Variants in CDH4 observed in about 807,000 individuals in gnomAD.
CDH4 encodes cadherin-4.
Under a neutral mutation model 86.0 loss-of-function variants are expected in CDH4, and 33 were observed. The ratio of observed to expected loss-of-function variants is 0.38; its 90% CI spans 0.29 to 0.51. The LOEUF is 0.51. Among genes scored for constraint, CDH4 ranks in the 20% least tolerant of loss-of-function variants. CDH4 has a pLI of 0.86. For missense variants in CDH4, 1,114 were observed against 1,307.4 expected (o/e 0.85, Z 2.28); for synonymous variants, 555 against 549.4 (o/e 1.01, Z -0.14).
chr20:61,323,524 G>A (rs1005946538), intron 2 of CDH4, among the ~76,000 whole-genome samples: 7 of 152,168 alleles, frequency 4.6e-5, no homozygotes, highest in Non-Finnish European at 7.3e-5. Context: ...GCCACCTGAC[G>A]TCGGAGCCAG....
At chr20:61,782,544 CTATT>C (rs962683037) in intron 4 of CDH4, among the ~76,000 whole-genome samples, 14 of 152,090 alleles carry the variant, frequency 9.2e-5, no homozygotes, top group African/African-American at 3.4e-4. Flanking sequence ...AAAAAGCTGA[CTATT>C]TAAAGCAAAA....
At position 61,494,291 on chromosome 20, in the gene CDH4, G is replaced by A. The variant is rs6121414; in HGVS notation, c.169+239354G>A. 1.8e-3 allele frequency among the ~76,000 whole-genome samples: 276 copies of A among 152,280 alleles called. 2 individuals are homozygous for A. Among genetic ancestry groups the A allele is most frequent in the African/African-American group, 6.3e-3 (260 of 41,554 alleles). ...AATAAGGAGACCCCCACCTCTGCTC[G>A]TGCATACTGTGCAAATCGCTGAAAT... On this transcript the variant is annotated intron_variant, in intron 2 of 15. Transcript: ENST00000614565.
chr20:61,593,638 A>G (rs1343279411), intron 2 of CDH4, among the ~76,000 whole-genome samples: 2 of 152,060 alleles, frequency 1.3e-5, no homozygotes, highest in Non-Finnish European at 2.9e-5. Context: ...ATTTCTAGAG[A>G]TGTTGAATGG....
chr20:61,300,911 G>A (rs895854394), intron 2 of CDH4, among the ~76,000 whole-genome samples: 1 of 152,156 alleles, frequency 6.6e-6, no homozygotes, highest in South Asian at 2.1e-4. Context: ...ACAAAGCCCG[G>A]AGCACCAGCC....
At chr20:61,471,464 A>T (rs556479637) in intron 2 of CDH4, among the ~76,000 whole-genome samples, 2 of 150,450 alleles carry the variant, frequency 1.3e-5, no homozygotes, top group South Asian at 2.1e-4. Flanking sequence ...TATCTTTTTT[A>T]AAACCCAGCT....
intron 2 of CDH4, among the ~76,000 whole-genome samples, chr20:61,373,829 T>TA (rs1232350988): frequency 6.6e-5 from 10 of 152,226 alleles, no homozygotes; most frequent in Admixed American, 1.3e-4. Flanking sequence ...GTGTGATTTC[T>TA]AAAATGCACA....
intron 2 of CDH4, among the ~76,000 whole-genome samples, chr20:61,385,135 T>A (rs2084943848): frequency 6.6e-6 from 1 of 151,620 alleles, no homozygotes; most frequent in South Asian, 2.1e-4. Flanking sequence ...GTGTGGTGAA[T>A]GTGGCCTCCA....
chr20:61,487,207 C>T (rs1178573608), intron 2 of CDH4, among the ~76,000 whole-genome samples: 1 of 152,142 alleles, frequency 6.6e-6, no homozygotes, highest in Non-Finnish European at 1.5e-5. Flanking sequence ...ATAATGCTTT[C>T]TCCATTGAAT....
chr20:61,669,645 T>C (rs1048154131), intron 2 of CDH4, among the ~76,000 whole-genome samples: 7 of 152,182 alleles, frequency 4.6e-5, no homozygotes, highest in Non-Finnish European at 1.0e-4. Context: ...AGAAGCTCTT[T>C]CCTGAAAGTC....
intron 5 of CDH4, among the ~76,000 whole-genome samples, chr20:61,851,692 C>T (rs867262654): frequency 1.4e-4 from 21 of 152,320 alleles, no homozygotes; most frequent in African/African-American, 4.3e-4. Flanking sequence ...TTCCACTCCC[C>T]GACAGCCCCT....
intron 2 of CDH4, among the ~76,000 whole-genome samples, chr20:61,730,245 A>G (rs1417495565): frequency 6.6e-6 from 1 of 152,092 alleles, no homozygotes; most frequent in Non-Finnish European, 1.5e-5. Context: ...TTTGGACCAA[A>G]TGCATGGTGA....
intron 9 of CDH4, among the ~76,000 whole-genome samples, chr20:61,920,596 CGTGGTGTCACAGTGATTGCATGGAAGT>C (rs879565335): frequency 0.055 from 8,195 of 148,590 alleles, 311 homozygotes; most frequent in Middle Eastern, 0.11. Context: ...TGCGTGGAAG[CGTGGTGTCACAGTGATTGCATGGAAGT>C]GTGGTGTCAC....
chr20:61,414,595 A>G (rs1313127108), intron 2 of CDH4, among the ~76,000 whole-genome samples: 1 of 152,148 alleles, frequency 6.6e-6, no homozygotes, highest in African/African-American at 2.4e-5. Context: ...AATGCTCACT[A>G]TTGTTGCAAG....
At chr20:61,796,998 C>A (rs1225663478) in intron 4 of CDH4, among the ~76,000 whole-genome samples, 1 of 152,148 alleles carries the variant, frequency 6.6e-6, no homozygotes, top group Non-Finnish European at 1.5e-5. Context: ...ATCAGCTCCC[C>A]ACTGGGGAGG....
intron 2 of CDH4, among the ~76,000 whole-genome samples, chr20:61,469,088 T>C (rs2085488560): frequency 6.6e-6 from 1 of 152,202 alleles, no homozygotes; most frequent in African/African-American, 2.4e-5. Context: ...TGCTGCATCA[T>C]GTGGTAGCCC....
intron 2 of CDH4, chr20:61,570,522 G>T: frequency 1.6e-6 from 1 of 615,814 alleles, no homozygotes; most frequent in Non-Finnish European, 2.9e-6. Context: ...GAATGAGAAG[G>T]TCGATGACAA....
intron 2 of CDH4, among the ~76,000 whole-genome samples, chr20:61,556,779 C>T (rs1466028919): frequency 6.6e-6 from 1 of 152,128 alleles, no homozygotes; most frequent in Non-Finnish European, 1.5e-5. Context: ...AGGCAGGTGG[C>T]CAGTGGCTGT....
At chr20:61,869,462 G>C (rs1313801468) in intron 6 of CDH4, among the ~76,000 whole-genome samples, 1 of 152,232 alleles carries the variant, frequency 6.6e-6, no homozygotes, top group Non-Finnish European at 1.5e-5. Flanking sequence ...GCTGGACCCT[G>C]GAGGAGAGCG....
intron 3 of CDH4, among the ~76,000 whole-genome samples, chr20:61,745,678 C>T (rs2088405565): frequency 6.6e-6 from 1 of 152,002 alleles, no homozygotes; most frequent in Non-Finnish European, 1.5e-5. Context: ...GGCCCTTGGA[C>T]AGCCTGGGGA....
Sources: gnomAD v4.1 joint callset for allele counts (sites outside exome capture counted in the v4.1 genomes callset) on GRCh38, gnomAD v4.1.1 for gene constraint, MANE v1.5 for transcripts, NCBI Gene and HGNC (gene_info 2026-07-23, HGNC 2026-07-21) for gene names.